CDKAL1: variants seen among roughly 807,000 people sequenced by gnomAD.
CDKAL1 encodes threonylcarbamoyladenosine tRNA methylthiotransferase.
CDKAL1 carries 32 observed loss-of-function variants against 68.2 expected under a neutral mutation model. The observed-to-expected ratio is 0.47, with a 90% CI of 0.35 to 0.63. The LOEUF (loss-of-function observed/expected upper bound fraction) is 0.63. CDKAL1 is among the 30% of genes least tolerant of loss of function. The pLI is 0.00. For missense variants in CDKAL1, 606 were observed against 696.7 expected, an observed-to-expected ratio of 0.87 and a Z score of 1.47; for synonymous variants, 234 against 244.3, an observed-to-expected ratio of 0.96 and a Z score of 0.39.
At chr6:21,048,368 A>C (rs917693860) in intron 11 of CDKAL1, among the ~76,000 whole-genome samples, 5 of 152,208 alleles carry the variant, frequency 3.3e-5, no homozygotes, top group African/African-American at 1.2e-4. Context: ...AATAAAACAC[A>C]ATAAGAAAAT....
intron 13 of CDKAL1, among the ~76,000 whole-genome samples, chr6:21,191,992 C>CTTTTTTTTTTTTTTTTTTTTTT (rs145894251): frequency 5.8e-5 from 2 of 34,530 alleles, no homozygotes; most frequent in Non-Finnish European, 5.5e-5. Context: ...ATTCATTTTT[C>CTTTTTTTTTTTTTTTTTTTTTT]TTTTTTTTTT....
At chr6:20,670,252 C>G (rs989925730) in intron 5 of CDKAL1, among the ~76,000 whole-genome samples, 2 of 152,052 alleles carry the variant, frequency 1.3e-5, no homozygotes, top group African/African-American at 4.8e-5. Flanking sequence ...TAGTTCTTTC[C>G]TTTGCCACTC....
chr6:20,848,281 T>TG (rs1778453103), intron 9 of CDKAL1, among the ~76,000 whole-genome samples: 1 of 107,728 alleles, frequency 9.3e-6, no homozygotes, highest in Non-Finnish European at 2.1e-5. Context: ...GGAAAGTTGT[T>TG]TTTTTTTTTT....
intron 11 of CDKAL1, among the ~76,000 whole-genome samples, chr6:21,034,298 C>T (rs527677605): frequency 6.6e-6 from 1 of 152,272 alleles, no homozygotes; most frequent in East Asian, 1.9e-4. Flanking sequence ...CAGATGGTCT[C>T]CATCTTCTCA....
intron 9 of CDKAL1, among the ~76,000 whole-genome samples, chr6:20,910,503 T>G (rs1476219916): frequency 6.6e-6 from 1 of 152,194 alleles, no homozygotes; most frequent in Non-Finnish European, 1.5e-5. Context: ...CAGAAGTAGC[T>G]GTTCAAATTT....
chr6:20,821,350 T>C (rs182795517), intron 8 of CDKAL1, among the ~76,000 whole-genome samples: 1 of 152,132 alleles, frequency 6.6e-6, no homozygotes, highest in Non-Finnish European at 1.5e-5. Context: ...CATCCTAGGG[T>C]AAGCCCCTCC....
intron 8 of CDKAL1, among the ~76,000 whole-genome samples, chr6:20,829,752 T>C (rs1777638095): frequency 6.6e-6 from 1 of 152,234 alleles, no homozygotes; most frequent in Admixed American, 6.5e-5. Flanking sequence ...ATTTCTCAGA[T>C]TCACTGAAGA....
chr6:21,229,551 A>G (rs1294828238), intron 15 of CDKAL1, among the ~76,000 whole-genome samples: 1 of 152,152 alleles, frequency 6.6e-6, no homozygotes, highest in Non-Finnish European at 1.5e-5. Context: ...AGGTTGCTAG[A>G]GCGCTTGGAA....
At chr6:21,154,900 G>A (rs939204967) in intron 13 of CDKAL1, among the ~76,000 whole-genome samples, 1 of 152,098 alleles carries the variant, frequency 6.6e-6, no homozygotes, top group East Asian at 1.9e-4. Context: ...GGCTGAGGCA[G>A]GGGAATCACT....
At chr6:20,834,725 T>C (rs1777858063) in intron 8 of CDKAL1, among the ~76,000 whole-genome samples, 1 of 152,232 alleles carries the variant, frequency 6.6e-6, no homozygotes, top group Admixed American at 6.5e-5. Context: ...GAAGCAACTA[T>C]AGTATAATGT....
In CDKAL1 at chr6:20,794,693, G is replaced by T. The variant is rs182168086; in HGVS notation, c.638+13428G>T. On this transcript the variant is annotated intron_variant, in intron 8 of 15. Transcript: ENST00000274695. ...TCTTTTCATAGATGATAAAACTGAG[G>T]CCCCAAGGACTAATGTCCGAAAGTT... Among the ~76,000 whole-genome samples the T allele has an allele frequency of 2.0e-3, 308 of 152,088 alleles. 8 individuals are homozygous for T. The South Asian group carries it at 0.049, about 24-fold the overall frequency.
intron 13 of CDKAL1, among the ~76,000 whole-genome samples, chr6:21,170,450 C>T (rs764244297): frequency 5.3e-5 from 8 of 152,120 alleles, no homozygotes; most frequent in East Asian, 3.9e-4. Context: ...CTGCCTTAGC[C>T]GCCCGAGTAG....
At chr6:21,129,350 A>C (rs1775173593) in intron 13 of CDKAL1, among the ~76,000 whole-genome samples, 1 of 152,194 alleles carries the variant, frequency 6.6e-6, no homozygotes, top group Non-Finnish European at 1.5e-5. Context: ...CTAAAGGAGA[A>C]AAATGAAAAT....
At chr6:21,046,607 C>A (rs1770245162) in intron 11 of CDKAL1, among the ~76,000 whole-genome samples, 1 of 152,230 alleles carries the variant, frequency 6.6e-6, no homozygotes, top group Non-Finnish European at 1.5e-5. Context: ...GGAGCTGCTC[C>A]TTTTGAGGCA....
At chr6:20,963,905 G>T (rs1765173969) in intron 10 of CDKAL1, among the ~76,000 whole-genome samples, 1 of 152,090 alleles carries the variant, frequency 6.6e-6, no homozygotes, top group Non-Finnish European at 1.5e-5. Flanking sequence ...GTCCTGAAAT[G>T]CTTTAATCCA....
At chr6:21,190,128 G>A (rs529728802) in intron 13 of CDKAL1, among the ~76,000 whole-genome samples, 20 of 151,548 alleles carry the variant, frequency 1.3e-4, no homozygotes, top group African/African-American at 4.8e-4. Flanking sequence ...GGCAGCTTAG[G>A]GGGGAAAAAA....
At chr6:20,894,391 C>CTT (rs5874793) in intron 9 of CDKAL1, among the ~76,000 whole-genome samples, 4,260 of 124,010 alleles carry the variant, frequency 0.034, 214 homozygotes, top group African/African-American at 0.086. Context: ...ACCCCACATA[C>CTT]TTTTTTTTTT....
At chr6:21,063,972 T>C (rs1019006240) in intron 11 of CDKAL1, among the ~76,000 whole-genome samples, 1 of 152,194 alleles carries the variant, frequency 6.6e-6, no homozygotes, top group Non-Finnish European at 1.5e-5. Flanking sequence ...ATTATCACAT[T>C]GAGCATAAAG....
intron 4 of CDKAL1, chr6:20,599,421 G>A (rs140306547): frequency 2.2e-6 from 1 of 445,848 alleles, no homozygotes; most frequent in Non-Finnish European, 4.5e-6. Context: ...AAAGTTCCTG[G>A]AGAAGACCTA....
Sources: allele counts gnomAD v4.1 joint callset (sites outside exome capture counted in the v4.1 genomes callset), GRCh38; gene constraint gnomAD v4.1.1; transcripts MANE v1.5; gene names NCBI Gene and HGNC (gene_info 2026-07-23, HGNC 2026-07-21).